SYNE2: variants seen among roughly 807,000 people sequenced by gnomAD.
SYNE2 encodes the protein nesprin-2.
In SYNE2, 431 loss-of-function variants were observed where a neutral mutation model predicts 856.3. That is an observed-to-expected ratio of 0.50 (90% CI 0.47 to 0.55). The LOEUF (loss-of-function observed/expected upper bound fraction) is 0.55. Ranked by LOEUF, SYNE2 falls within the 20% of genes least tolerant of loss-of-function variation. The pLI, the probability that SYNE2 is intolerant of heterozygous loss-of-function variation, is 0.00. For synonymous variants in SYNE2, 2,923 were observed against 2,872.3 expected, an observed-to-expected ratio of 1.02 and a Z score of -0.56; for missense variants, 8,129 against 8,023.2, an observed-to-expected ratio of 1.01 and a Z score of -0.50.
intron 1 of SYNE2, among the ~76,000 whole-genome samples, chr14:63,854,515 C>T (rs1891243361): frequency 6.6e-6 from 1 of 152,208 alleles, no homozygotes; most frequent in South Asian, 2.1e-4. Context: ...ACGGCTTTAG[C>T]CCGGCCAGCC....
intron 78 of SYNE2, among the ~76,000 whole-genome samples, chr14:64,135,084 GA>G (rs1448175482): frequency 6.6e-6 from 1 of 152,100 alleles, no homozygotes; most frequent in Non-Finnish European, 1.5e-5. Flanking sequence ...TGGTGCGAAA[GA>G]AAAGATAAAA....
chr14:64,041,849 TAA>T (rs33974614), intron 45 of SYNE2, among the ~76,000 whole-genome samples: 3,265 of 143,700 alleles, frequency 0.023, 52 homozygotes, highest in Non-Finnish European at 0.032. Flanking sequence ...GACCCTTTCT[TAA>T]AAAAAAAAAA....
chr14:64,006,720 C>T (rs540598338), intron 30 of SYNE2, among the ~76,000 whole-genome samples: 15 of 152,010 alleles, frequency 9.9e-5, no homozygotes, highest in South Asian at 4.2e-4. Context: ...ACCAGCTGTT[C>T]GGGAGACTGA....
intron 1 of SYNE2, among the ~76,000 whole-genome samples, chr14:63,855,686 AGTT>A (rs1414207669): frequency 1.3e-5 from 2 of 152,030 alleles, no homozygotes; most frequent in Non-Finnish European, 2.9e-5. Flanking sequence ...TCCTTTCATA[AGTT>A]GTTATTTTTC....
chr14:63,939,430 C>G (rs2095875512), intron 2 of SYNE2, among the ~76,000 whole-genome samples: 1 of 151,578 alleles, frequency 6.6e-6, no homozygotes, highest in Admixed American at 6.6e-5. Context: ...TCACTGCAAC[C>G]TCCGCCTCCT....
intron 55 of SYNE2, 42 bp from the exon 56 acceptor site, chr14:64,080,414 A>G: frequency 1.2e-6 from 2 of 1,603,178 alleles, no homozygotes; most frequent in Non-Finnish European, 1.7e-6. Flanking sequence ...TCCATAAACT[A>G]TGACCTCTTC....
intron 8 of SYNE2, among the ~76,000 whole-genome samples, chr14:63,957,964 C>G (rs1166995075): frequency 6.6e-6 from 1 of 152,016 alleles, no homozygotes; most frequent in African/African-American, 2.4e-5. Flanking sequence ...ATCGCTCGAA[C>G]CCGGGAGGTG....
chr14:63,823,536 TAAAAG>T (rs1486502816), intron 1 of SYNE2, among the ~76,000 whole-genome samples: 1 of 151,304 alleles, frequency 6.6e-6, no homozygotes, highest in Non-Finnish European at 1.5e-5. Context: ...TCTCAAAAAA[TAAAAG>T]AGGAGGGAAC....
At position 64,089,964 on chromosome 14, in the gene SYNE2, G is replaced by A. The variant is rs77499129; in HGVS notation, c.11793+268G>A. ...CTAATTCAGGCTGAACTGGGTTCCA[G>A]CCCCAGCTAGACTGCTCACTGGCTG... On this transcript the variant is annotated intron_variant, in intron 59 of 115. Transcript: ENST00000555002. Among the ~76,000 whole-genome samples the A allele has an allele frequency of 5.9e-5, 9 of 152,316 alleles. No individual in the cohort carries two copies. The East Asian group carries it at 1.7e-3, about 29-fold the overall frequency.
intron 30 of SYNE2, 114 bp downstream of exon 30, chr14:64,003,444 C>G (rs774912108): frequency 1.9e-5 from 20 of 1,060,746 alleles, no homozygotes; most frequent in East Asian, 2.8e-5. Context: ...CCATCCCACT[C>G]TATTCAGTGT....
intron 47 of SYNE2, among the ~76,000 whole-genome samples, chr14:64,050,561 A>C (rs1172086790): frequency 6.6e-6 from 1 of 152,156 alleles, no homozygotes; most frequent in Non-Finnish European, 1.5e-5. Flanking sequence ...AAGCATATGT[A>C]ATTGTTTAGT....
At chr14:64,144,015 A>G in intron 83 of SYNE2, 67 bp downstream of exon 83, 2 of 1,584,922 alleles carry the variant, frequency 1.3e-6, no homozygotes, top group Middle Eastern at 1.7e-4. Flanking sequence ...TGAAAAATCA[A>G]AAAAGACGTT....
In SYNE2 at chr14:64,120,949, C is replaced by T. The variant is rs764940126; in HGVS notation, c.13046C>T (p.Ser4349Phe). Residue 4349 changes from serine to phenylalanine, a missense_variant, in exon 68 of 116, where the codon TCC becomes TTC. Transcript: ENST00000555002. ...CAGCATCCTACCATTCTAAAGAAATCCTCAGAGCCAGAGCATCAAGAAGCT... is the reference window on the plus strand; with the variant it reads ...CAGCATCCTACCATTCTAAAGAAATTCTCAGAGCCAGAGCATCAAGAAGCT... Reference protein sequence around the residue: ...EDQHPTILKKSSEPEHQEALQ... With the variant: ...EDQHPTILKKFSEPEHQEALQ... 2 of 1,614,060 alleles carry T rather than the reference C, an allele frequency of 1.2e-6. No individual in the cohort carries two copies. The highest frequency in any genetic ancestry group is 2.2e-5 in the East Asian group (1 of 44,888).
At chr14:63,961,081 C>T (rs887625702) in intron 8 of SYNE2, among the ~76,000 whole-genome samples, 1 of 152,162 alleles carries the variant, frequency 6.6e-6, no homozygotes, top group Non-Finnish European at 1.5e-5. Context: ...ACAATATATG[C>T]TTTTGGAGAT....
rs2098305557 is a variant in SYNE2 at position 64,158,708 on chromosome 14, G to A, written c.15876G>A (p.Met5292Ile). ...YDQLYDEVNM[M>I]TIRFWYCMEH... is the part of the protein sequence containing the mutation. ...AACTCTATGATGAAGTGAATATGAT[G>A]ACAATCCGATTCTGGTACTGCATGG... is the stretch of plus-strand genomic sequence containing the variant. Residue 5292 changes from methionine to isoleucine, a missense_variant, in exon 86 of 116, where the codon ATG becomes ATA. Transcript: ENST00000555002. 1 of 1,613,958 alleles carries A rather than the reference G, an allele frequency of 6.2e-7. No homozygotes were observed. The highest frequency in any genetic ancestry group is 8.5e-7 in the Non-Finnish European group (1 of 1,179,892).
chr14:63,871,643 T>G (rs1896884260), intron 1 of SYNE2, among the ~76,000 whole-genome samples: 1 of 151,422 alleles, frequency 6.6e-6, no homozygotes, highest in Non-Finnish European at 1.5e-5. Flanking sequence ...AGGGTCTCAC[T>G]GTGAGAACCC....
chr14:63,856,037 A>G (rs1891633174), intron 1 of SYNE2, among the ~76,000 whole-genome samples: 4 of 152,310 alleles, frequency 2.6e-5, no homozygotes, highest in South Asian at 4.1e-4. Context: ...GGAGACAGGC[A>G]TGGAAGAAGA....
At chr14:64,005,153 A>G (rs905438160) in intron 30 of SYNE2, among the ~76,000 whole-genome samples, 1 of 152,184 alleles carries the variant, frequency 6.6e-6, no homozygotes, top group Non-Finnish European at 1.5e-5. Flanking sequence ...CTGTTTGATG[A>G]CTTTGGCTTG....
chr14:63,987,276 A>T (rs2096633962), intron 19 of SYNE2, among the ~76,000 whole-genome samples: 1 of 152,008 alleles, frequency 6.6e-6, no homozygotes, highest in African/African-American at 2.4e-5. Flanking sequence ...AAAAGAAATC[A>T]TACAATCTAT....
Sources: gnomAD v4.1 joint callset for allele counts (sites outside exome capture counted in the v4.1 genomes callset) on GRCh38, gnomAD v4.1.1 for gene constraint, MANE v1.5 for transcripts, NCBI Gene and HGNC (gene_info 2026-07-23, HGNC 2026-07-21) for gene names.